The following CTIF variants were observed in gnomAD, a reference collection of about 807,000 sequenced individuals.
The protein encoded by CTIF is cap binding complex dependent translation initiation factor, also known as CBP80/20-dependent translation initiation factor.
A neutral mutation model predicts 66.0 loss-of-function variants in CTIF; 21 were observed. The observed-to-expected ratio is 0.32, with a 90% CI of 0.23 to 0.46. The LOEUF (loss-of-function observed/expected upper bound fraction) is 0.46. Ranked by LOEUF, CTIF falls within the 20% of genes least tolerant of loss-of-function variation. The pLI is 1.00. For synonymous variants in CTIF, 345 were observed against 326.4 expected (o/e 1.06, Z -0.62); for missense variants, 739 against 812.7 (o/e 0.91, Z 1.10).
chr18:48,689,559 A>G (rs888466687), intron 6 of CTIF, among the ~76,000 whole-genome samples: 1 of 152,110 alleles, frequency 6.6e-6, no homozygotes, highest in Admixed American at 6.6e-5. Context: ...CCTCCATTCT[A>G]TTTCTTCAGG....
At chr18:48,736,831 C>T (rs1038887618) in intron 7 of CTIF, among the ~76,000 whole-genome samples, 12 of 152,156 alleles carry the variant, frequency 7.9e-5, no homozygotes, top group African/African-American at 2.2e-4. Flanking sequence ...AGGCCAGGCA[C>T]GGGGGCATGG....
At chr18:48,767,786 A>C (rs1599007202) in intron 9 of CTIF, among the ~76,000 whole-genome samples, 1 of 152,196 alleles carries the variant, frequency 6.6e-6, no homozygotes, top group East Asian at 1.9e-4. Context: ...AAGAGCGGAG[A>C]AACTCTTCAG....
At chr18:48,669,792 TTTATATATA>T (rs2091494258) in intron 5 of CTIF, among the ~76,000 whole-genome samples, 1 of 47,330 alleles carries the variant, frequency 2.1e-5, no homozygotes, top group Non-Finnish European at 4.4e-5. Context: ...AAGCTAAACA[TTTATATATA>T]TATATATATA....
chr18:48,648,103 C>T (rs1303049662), intron 3 of CTIF, among the ~76,000 whole-genome samples: 1 of 149,388 alleles, frequency 6.7e-6, no homozygotes, highest in Admixed American at 6.6e-5. Flanking sequence ...CTGTCCAGGA[C>T]AGGCTCAAAT....
At position 48,619,561 on chromosome 18, in the gene CTIF, G is replaced by A. The variant is rs747076711; in HGVS notation, c.-5G>A. The A allele has an allele frequency of 1.9e-6, 3 of 1,541,812 alleles. No individual in the cohort carries two copies. The East Asian group carries it at 7.1e-5, about 37-fold the overall frequency. On this transcript the variant is annotated 5_prime_UTR_variant, in exon 2 of 12. Coordinates refer to ENST00000256413, the MANE Select transcript of CTIF (RefSeq NM_014772.3). The stretch of plus-strand genomic sequence containing the variant: ...AGTCCCGGCCCAGGCCCCTGAGCTG[G>A]AGGGATGGAAAACTCCTCTGCAGCA...
chr18:48,559,566 C>G (rs889133639), intron 1 of CTIF, among the ~76,000 whole-genome samples: 1 of 152,184 alleles, frequency 6.6e-6, no homozygotes, highest in Non-Finnish European at 1.5e-5. Flanking sequence ...TTGGGCAGGG[C>G]TCAAGAGCTA....
intron 10 of CTIF, among the ~76,000 whole-genome samples, chr18:48,852,368 C>T (rs2069225153): frequency 6.6e-6 from 1 of 151,814 alleles, no homozygotes; most frequent in African/African-American, 2.4e-5. Flanking sequence ...CCCAGACAGT[C>T]ACAGGACCCT....
chr18:48,802,863 CCA>C (rs2068074580), intron 9 of CTIF, among the ~76,000 whole-genome samples: 1 of 152,226 alleles, frequency 6.6e-6, no homozygotes, highest in Admixed American at 6.5e-5. Context: ...CCTGCTTGTC[CCA>C]CTGGTATTCT....
intron 9 of CTIF, among the ~76,000 whole-genome samples, chr18:48,793,923 G>T (rs1406193131): frequency 2.6e-5 from 4 of 152,186 alleles, no homozygotes; most frequent in Admixed American, 2.0e-4. Flanking sequence ...ATGAGATCCT[G>T]AGTCTCCCAG....
At chr18:48,836,076 T>C (rs2068802330) in intron 10 of CTIF, among the ~76,000 whole-genome samples, 1 of 151,896 alleles carries the variant, frequency 6.6e-6, no homozygotes, top group African/African-American at 2.4e-5. Flanking sequence ...CACAAATGCA[T>C]ACCCCCGCCC....
rs574447959 is a variant in CTIF, at chr18:48,628,692, G to A, written c.181-7922G>A. On this transcript the variant is annotated intron_variant, in intron 2 of 11. Coordinates refer to ENST00000256413, the MANE Select transcript of CTIF (RefSeq NM_014772.3). ...TGCCCAAGGTCATAGAGTAAGTGGC[G>A]GAGCTGAGATCTGAATTCAGGACTC... Among the ~76,000 whole-genome samples, 9 of 152,222 alleles carry A rather than the reference G, an allele frequency of 5.9e-5. No homozygotes were observed. The South Asian group carries it at 1.0e-3, about 18-fold the overall frequency.
chr18:48,651,847 A>G (rs1380826033), intron 3 of CTIF, among the ~76,000 whole-genome samples: 1 of 152,226 alleles, frequency 6.6e-6, no homozygotes, highest in Non-Finnish European at 1.5e-5. Flanking sequence ...GAAACTGAAC[A>G]ACCTGCTCCT....
intron 9 of CTIF, among the ~76,000 whole-genome samples, chr18:48,787,824 T>C (rs1161792549): frequency 6.6e-6 from 1 of 152,200 alleles, no homozygotes; most frequent in Non-Finnish European, 1.5e-5. Context: ...CCAATTCTTC[T>C]GCTCCTCACC....
intron 6 of CTIF, among the ~76,000 whole-genome samples, chr18:48,708,838 T>C (rs1294143428): frequency 1.3e-5 from 2 of 152,188 alleles, no homozygotes; most frequent in Non-Finnish European, 2.9e-5. Context: ...GAGCTTCCCA[T>C]GCCCTCCCTC....
intron 10 of CTIF, among the ~76,000 whole-genome samples, chr18:48,848,984 C>T (rs923070213): frequency 6.6e-6 from 1 of 152,194 alleles, no homozygotes. Flanking sequence ...TTCGAGGGCA[C>T]GGGAGGCTTG....
intron 3 of CTIF, among the ~76,000 whole-genome samples, chr18:48,657,685 C>T (rs1162980113): frequency 6.6e-6 from 1 of 152,122 alleles, no homozygotes; most frequent in African/African-American, 2.4e-5. Context: ...GGCTGCAGAG[C>T]TGCAGAGAGG....
At chr18:48,591,686 ATAGT>A (rs1234977892) in intron 1 of CTIF, among the ~76,000 whole-genome samples, 7 of 152,218 alleles carry the variant, frequency 4.6e-5, no homozygotes, top group African/African-American at 1.2e-4. Context: ...TTGGAAATTG[ATAGT>A]TAGAGTAAGT....
chr18:48,589,010 C>T (rs2089833075), intron 1 of CTIF, among the ~76,000 whole-genome samples: 1 of 152,170 alleles, frequency 6.6e-6, no homozygotes, highest in Non-Finnish European at 1.5e-5. Flanking sequence ...ATCCAAGACC[C>T]TTGGGCTGCA....
At chr18:48,732,433 G>C (rs973749831) in intron 7 of CTIF, among the ~76,000 whole-genome samples, 2 of 151,930 alleles carry the variant, frequency 1.3e-5, no homozygotes, top group African/African-American at 4.8e-5. Flanking sequence ...CTCTTACCTT[G>C]ATGACGGGGC....
Sources: allele counts gnomAD v4.1 joint callset (sites outside exome capture counted in the v4.1 genomes callset), GRCh38; gene constraint gnomAD v4.1.1; transcripts MANE v1.5; gene names NCBI Gene and HGNC (gene_info 2026-07-23, HGNC 2026-07-21).